The following NIM1K variants were observed in gnomAD, a reference collection of about 807,000 sequenced individuals.
The protein encoded by NIM1K is NIM1 serine/threonine protein kinase, also known as serine/threonine-protein kinase NIM1.
Under a neutral mutation model 37.1 loss-of-function variants are expected in NIM1K, and 35 were observed. The ratio of observed to expected loss-of-function variants is 0.94; its 90% CI spans 0.72 to 1.25. NIM1K has a LOEUF of 1.25. Among genes scored for constraint, NIM1K ranks in the 50% most tolerant of loss-of-function variants. The pLI is 0.00. For missense variants in NIM1K, 564 were observed against 548.0 expected (o/e 1.03, Z -0.29); for synonymous variants, 234 against 206.6 (o/e 1.13, Z -1.14).
chr5:43,232,910 G>A, intron 1 of NIM1K: 1 of 1,152,664 alleles, frequency 8.7e-7, no homozygotes, highest in Non-Finnish European at 1.3e-6. Context: ...TGCTCAGGGT[G>A]GAAGAGCTGG....
At position 43,260,855 on chromosome 5, in the gene NIM1K, T is replaced by G. The variant is rs975253348; in HGVS notation, c.292+14788T>G. Among the ~76,000 whole-genome samples, 3 of 152,158 alleles carry G rather than the reference T, an allele frequency of 2.0e-5. 1 individual carries two copies. The highest frequency in any genetic ancestry group is 2.1e-4 in the South Asian group (1 of 4,824). ...AATTCCCACCTATGAGTGAGAACAT[T>G]CGGTGTTTGGTTTTCTGTCCTTGCG... On this transcript the variant is annotated intron_variant, in intron 2 of 3. Coordinates refer to ENST00000326035, the MANE Select transcript of NIM1K (RefSeq NM_153361.4).
chr5:43,235,413 C>A (rs1752606747), intron 1 of NIM1K, among the ~76,000 whole-genome samples: 1 of 152,150 alleles, frequency 6.6e-6, no homozygotes, highest in African/African-American at 2.4e-5. Flanking sequence ...AACACTAAAT[C>A]TTCTCAAGGT....
chr5:43,230,260 G>C (rs116159029), intron 1 of NIM1K, among the ~76,000 whole-genome samples: 67 of 152,066 alleles, frequency 4.4e-4, no homozygotes, highest in African/African-American at 1.4e-3. Flanking sequence ...GCTCCTTCTC[G>C]GTGGCTCTGC....
intron 1 of NIM1K, among the ~76,000 whole-genome samples, chr5:43,205,961 C>T (rs1752104171): frequency 6.6e-6 from 1 of 152,122 alleles, no homozygotes; most frequent in African/African-American, 2.4e-5. Flanking sequence ...ATCCGCCCGC[C>T]TCGACCTCCC....
At chr5:43,250,173 A>G (rs1359452997) in intron 2 of NIM1K, among the ~76,000 whole-genome samples, 1 of 152,100 alleles carries the variant, frequency 6.6e-6, no homozygotes, top group African/African-American at 2.4e-5. Flanking sequence ...AAATATGCTA[A>G]TGGAATCATT....
chr5:43,277,360 A>C, intron 3 of NIM1K, 35 bp downstream of exon 3: 1 of 1,596,928 alleles, frequency 6.3e-7, no homozygotes, highest in Non-Finnish European at 8.5e-7. Flanking sequence ...CCTTGCTCCC[A>C]TTGCACTGAC....
chr5:43,273,890 C>G (rs556298198), intron 2 of NIM1K, among the ~76,000 whole-genome samples: 2 of 152,176 alleles, frequency 1.3e-5, no homozygotes, highest in African/African-American at 4.8e-5. Flanking sequence ...TAGTCTTTCT[C>G]TCATTGGACT....
In NIM1K at chr5:43,246,005, G is replaced by T; in HGVS notation, c.230G>T (p.Arg77Leu). Residue 77 changes from arginine to leucine, a missense_variant, in exon 2 of 4, where the codon CGA becomes CTA. Arg to Leu is a moderately radical substitution (Grantham distance 102). Transcript: ENST00000326035. ...AAACGGATAGGCTTCTACCGAATTC[G>T]AGGGGAAATCGGAAGTGGAAACTTC... ...LGKRIGFYRI[R>L]GEIGSGNFSQ... The T allele has an allele frequency of 1.2e-6, 2 of 1,614,036 alleles. No individual in the cohort carries two copies. The highest frequency in any genetic ancestry group is 1.7e-6 in the Non-Finnish European group (2 of 1,179,930).
intron 2 of NIM1K, among the ~76,000 whole-genome samples, chr5:43,256,087 G>A (rs35211243): frequency 0.29 from 44,304 of 151,904 alleles, 7,240 homozygotes; most frequent in East Asian, 0.72. Flanking sequence ...AGGAACTGGG[G>A]ATTTCACAAA....
In NIM1K at chr5:43,248,055, A is replaced by C. The variant is rs533223693; in HGVS notation, c.292+1988A>C. Among the ~76,000 whole-genome samples, 31 of 152,350 alleles carry C rather than the reference A, an allele frequency of 2.0e-4. 1 individual carries two copies. Among genetic ancestry groups the C allele is most frequent in the African/African-American group, 7.5e-4 (31 of 41,584 alleles). On this transcript the variant is annotated intron_variant, in intron 2 of 3. Transcript: ENST00000326035. ...AAAAGCTATGAGCTTAAAGGAAGGA[A>C]AGAGACTCTTCCACCTTAGGACTAC...
Position 43,277,236 on chromosome 5 carries a change from C to A in NIM1K, c.472C>A (p.Leu158Ile). ...LVMEYAGGGE[L>I]FGKISTEGKL... ...GATGGAGTATGCAGGGGGTGGGGAG[C>A]TCTTCGGAAAAATTAGCACTGAGGG... The change falls in exon 3 of 4, where the codon CTC becomes ATC. Residue 158 changes from leucine (L) to isoleucine (I), a missense_variant. Physicochemically the swap from Leu to Ile is conservative, Grantham distance 5. Coordinates refer to ENST00000326035, the MANE Select transcript of NIM1K (RefSeq NM_153361.4). The A allele has an allele frequency of 1.2e-6, 2 of 1,614,038 alleles. No individual in the cohort carries two copies. Among genetic ancestry groups the A allele is most frequent in the Non-Finnish European group, 1.7e-6 (2 of 1,179,998 alleles).
chr5:43,277,322 C>A lies in NIM1K; in HGVS notation c.558C>A (p.His186Gln). The change falls in exon 3 of 4, where the codon CAC becomes CAA. Residue 186 changes from histidine (H) to glutamine (Q), a missense_variant. Transcript: ENST00000326035. ...CCCAGATTGTGTCTGCCGTGAAGCACATGGTGAGCAGGGGTGACGAGTGAG... is the reference window on the plus strand; with the variant it reads ...CCCAGATTGTGTCTGCCGTGAAGCAAATGGTGAGCAGGGGTGACGAGTGAG... ...IFSQIVSAVKHMHENQIIHRD... is the reference protein window; with the variant it reads ...IFSQIVSAVKQMHENQIIHRD... The A allele has an allele frequency of 6.2e-7, 1 of 1,613,348 alleles. No homozygotes were observed. Among genetic ancestry groups the A allele is most frequent in the Non-Finnish European group, 8.5e-7 (1 of 1,179,658 alleles).
chr5:43,213,983 C>CT (rs764323868), intron 1 of NIM1K, among the ~76,000 whole-genome samples: 24,022 of 139,002 alleles, frequency 0.17, 2,120 homozygotes, highest in Middle Eastern at 0.27. Context: ...CTCTTTCTTT[C>CT]TTTTTTTTTT....
chr5:43,226,392 C>T (rs904847202), intron 1 of NIM1K, among the ~76,000 whole-genome samples: 14 of 152,240 alleles, frequency 9.2e-5, no homozygotes, highest in Admixed American at 5.2e-4. Flanking sequence ...TGGTAAATGA[C>T]TGTGTTCTGG....
chr5:43,257,115 G>A (rs1752958325), intron 2 of NIM1K, among the ~76,000 whole-genome samples: 1 of 151,958 alleles, frequency 6.6e-6, no homozygotes, highest in Non-Finnish European at 1.5e-5. Context: ...AGGAGGCTAG[G>A]GAGATGAACA....
intron 2 of NIM1K, among the ~76,000 whole-genome samples, chr5:43,266,550 C>T (rs1753165141): frequency 6.6e-6 from 1 of 152,196 alleles, no homozygotes; most frequent in African/African-American, 2.4e-5. Context: ...AAGGGGATTC[C>T]CTGACCCCTT....
intron 1 of NIM1K, among the ~76,000 whole-genome samples, chr5:43,199,248 A>G (rs748606275): frequency 3.4e-4 from 49 of 142,044 alleles, no homozygotes; most frequent in Non-Finnish European, 6.4e-4. Flanking sequence ...TGAAAAATGT[A>G]TATATCTATA....
chr5:43,279,333 C>A (rs1274307464), intron 3 of NIM1K, among the ~76,000 whole-genome samples: 2 of 152,138 alleles, frequency 1.3e-5, no homozygotes, highest in Admixed American at 6.5e-5. Context: ...CCCTCCAAAG[C>A]CTGGATTCTT....
chr5:43,216,383 A>G (rs1752299912), intron 1 of NIM1K, among the ~76,000 whole-genome samples: 1 of 152,204 alleles, frequency 6.6e-6, no homozygotes. Context: ...CATGAACACA[A>G]AAAGCTGCCT....
Sources: allele counts gnomAD v4.1 joint callset (sites outside exome capture counted in the v4.1 genomes callset), GRCh38; gene constraint gnomAD v4.1.1; transcripts MANE v1.5; gene names NCBI Gene and HGNC (gene_info 2026-07-23, HGNC 2026-07-21).